SEMA6A: variants seen among roughly 807,000 people sequenced by gnomAD.
SEMA6A encodes the protein semaphorin-6A.
SEMA6A carries 25 observed loss-of-function variants against 96.8 expected under a neutral mutation model. That is an observed-to-expected ratio of 0.26 (90% CI 0.19 to 0.36). The LOEUF is 0.36. SEMA6A is among the 10% of genes least tolerant of loss of function. SEMA6A has a pLI of 1.00. For synonymous variants in SEMA6A, 612 were observed against 518.0 expected (o/e 1.18, Z -2.46); for missense variants, 1,363 against 1,323.1 (o/e 1.03, Z -0.47).
Position 116,521,660 on chromosome 5 carries a change from A to T in SEMA6A, c.-38-16678T>A, listed in dbSNP as rs372132599. 6.0e-4 allele frequency among the ~76,000 whole-genome samples: 92 copies of T among 152,270 alleles called. 1 individual carries two copies. The highest frequency in any genetic ancestry group is 2.0e-3 in the African/African-American group (83 of 41,566). ...GAATATTAGATCCTTGAGCCAATCC[A>T]TCTGGGGAAGGTATGAGAGAGAGTA... On this transcript the variant is annotated intron_variant, in intron 1 of 18. Transcript: ENST00000343348.
intron 1 of SEMA6A, among the ~76,000 whole-genome samples, chr5:116,536,024 GGCT>G: frequency 6.6e-6 from 1 of 152,178 alleles, no homozygotes; most frequent in Non-Finnish European, 1.5e-5. Context: ...ATGCCCACAT[GGCT>G]TTTAGTTCAG....
intron 1 of SEMA6A, among the ~76,000 whole-genome samples, 197 bp downstream of exon 1, chr5:116,573,988 C>T (rs183519359): frequency 7.2e-5 from 11 of 151,932 alleles, no homozygotes; most frequent in African/African-American, 2.7e-4. Flanking sequence ...CTCTGGGGCG[C>T]AGGGCAGAGA....
chr5:116,473,156 A>AT (rs1756255298), intron 16 of SEMA6A, 63 bp from the exon 17 acceptor site: 4 of 1,497,268 alleles, frequency 2.7e-6, no homozygotes, highest in Non-Finnish European at 3.7e-6. Context: ...GGCGACTTAC[A>AT]TAAGTGGGAA....
Position 116,526,107 on chromosome 5 carries a change from C to T in SEMA6A, c.-38-21125G>A, listed in dbSNP as rs76395164. On this transcript the variant is annotated intron_variant, in intron 1 of 18. Transcript: ENST00000343348. ...GGGTGAGGGCTTTGGAGGGATGGCT[C>T]TTATTGGATCTTCCTTTGCCTTTTC... 6.3e-3 allele frequency among the ~76,000 whole-genome samples: 955 copies of T among 152,044 alleles called. 7 individuals carry two copies. Among genetic ancestry groups the T allele is most frequent in the African/African-American group, 0.022 (901 of 41,362 alleles).
rs1409276470 is a variant in SEMA6A at position 116,458,282 on chromosome 5, C to G, written c.1894+9301G>C. On this transcript the variant is annotated intron_variant, in intron 18 of 18. Coordinates refer to ENST00000343348, the MANE Select transcript of SEMA6A (RefSeq NM_020796.5). The stretch of plus-strand genomic sequence containing the variant: ...ACCAATTAAAGAGCAAATTTTTAAC[C>G]ACTCCAGATGTTCTGTTAATAAGAT... 2.6e-5 allele frequency among the ~76,000 whole-genome samples: 4 copies of G among 152,132 alleles called. No individual in the cohort carries two copies. The East Asian group carries it at 7.7e-4, about 29-fold the overall frequency.
intron 3 of SEMA6A, among the ~76,000 whole-genome samples, chr5:116,500,933 G>C (rs7719764): frequency 0.22 from 33,357 of 151,864 alleles, 3,795 homozygotes; most frequent in Admixed American, 0.28. Flanking sequence ...TTTAACCCTG[G>C]TGCGGGGGAG....
intron 18 of SEMA6A, among the ~76,000 whole-genome samples, chr5:116,457,927 G>A (rs781108014): frequency 1.4e-4 from 22 of 152,156 alleles, no homozygotes; most frequent in Admixed American, 3.3e-4. Flanking sequence ...TGGCATGCGT[G>A]ATGTAGTTAG....
intron 18 of SEMA6A, chr5:116,449,413 A>T: frequency 2.9e-6 from 2 of 700,042 alleles, no homozygotes; most frequent in Non-Finnish European, 5.2e-6. Flanking sequence ...GTGGCACAGA[A>T]TTAGAATGAA....
chr5:116,483,361 T>G (rs1350777278), intron 10 of SEMA6A, among the ~76,000 whole-genome samples: 1 of 152,144 alleles, frequency 6.6e-6, no homozygotes, highest in Non-Finnish European at 1.5e-5. Flanking sequence ...CTAGAGTTGC[T>G]CCTTGATTTT....
chr5:116,546,360 T>C (rs1020046373), intron 1 of SEMA6A, among the ~76,000 whole-genome samples: 1 of 152,238 alleles, frequency 6.6e-6, no homozygotes, highest in African/African-American at 2.4e-5. Flanking sequence ...ATGCCTATAA[T>C]GAGTTAGCTC....
At chr5:116,570,344 T>TG (rs138889764) in intron 1 of SEMA6A, among the ~76,000 whole-genome samples, 5,649 of 151,096 alleles carry the variant, frequency 0.037, 155 homozygotes, top group African/African-American at 0.066. Flanking sequence ...CCCAAGAGAG[T>TG]GGGGGGGGTT....
Position 116,496,194 on chromosome 5 carries a change from T to G in SEMA6A, c.342+57A>C, listed in dbSNP as rs1757592230. On this transcript the variant is annotated intron_variant, in intron 5 of 18. Transcript: ENST00000343348. ...CTACATCACGGTCTATGGCTGGAGA[T>G]AACAGTCAAAAACTTAACCCAAAGT... 42 of 1,395,772 alleles carry G rather than the reference T, an allele frequency of 3.0e-5. 1 individual carries two copies. In the South Asian group the frequency reaches 4.9e-4, roughly 16 times the overall value. The allele number at this position is 1,395,772 out of a possible 1,614,324, so 86.5% of individuals were successfully genotyped here.
At chr5:116,499,808 TG>T (rs1757786012) in intron 3 of SEMA6A, among the ~76,000 whole-genome samples, 1 of 152,226 alleles carries the variant, frequency 6.6e-6, no homozygotes, top group Admixed American at 6.5e-5. Flanking sequence ...AAAACTGTCT[TG>T]GTTTTAATGA....
chr5:116,446,105 C>CT lies in SEMA6A; in HGVS notation c.*507dup, dbSNP rs71711476. 2.6e-3 allele frequency: 392 copies of CT among 149,540 alleles called. 1 individual carries two copies. The highest frequency in any genetic ancestry group is 8.6e-3 in the East Asian group (44 of 5,090). 9.3% of individuals were successfully genotyped at this position (149,540 alleles called of 1,614,324 possible). On this transcript the variant is annotated 3_prime_UTR_variant, in exon 19 of 19. Transcript: ENST00000343348. The stretch of plus-strand genomic sequence containing the variant: ...TCTGAGTTAGAATTATCAATGAATT[C>CT]TTTTTTTTTTGTCTTTTTAAATTTT...
chr5:116,447,063 A>T lies in SEMA6A; in HGVS notation c.2643T>A (p.Val881=). ...GACCCAGGGAGGCCTCCCGCTGTGG[A>T]ACTTTGGGGGGCAGGCTGTCCAGGT... ...VENLDSLPPK[V]PQREASLGPP... Residue 881 remains valine (V), a synonymous_variant, in exon 19 of 19, where the codon GTT becomes GTA. Coordinates refer to ENST00000343348, the MANE Select transcript of SEMA6A (RefSeq NM_020796.5). The T allele has an allele frequency of 6.2e-7, 1 of 1,613,536 alleles. No individual in the cohort carries two copies. Among genetic ancestry groups the T allele is most frequent in the Non-Finnish European group, 8.5e-7 (1 of 1,179,730 alleles).
rs1348786517 is a variant in SEMA6A at position 116,445,668 on chromosome 5, A to C, written c.*945T>G. ...CCAGGCAATGAACTGATAGATTTAA[A>C]TAAATATTCCCCTCCTAACTTTTTC... On this transcript the variant is annotated 3_prime_UTR_variant, in exon 19 of 19. Coordinates refer to ENST00000343348, the MANE Select transcript of SEMA6A (RefSeq NM_020796.5). 6.6e-6 allele frequency: 1 copy of C among 152,612 alleles called. No homozygotes were observed. Among genetic ancestry groups the C allele is most frequent in the African/African-American group, 2.4e-5 (1 of 41,472 alleles). The allele number at this position is 152,612 out of a possible 1,614,324, so 9.5% of individuals were successfully genotyped here.
intron 1 of SEMA6A, among the ~76,000 whole-genome samples, chr5:116,538,186 A>T (rs1759807052): frequency 7.3e-6 from 1 of 137,490 alleles, no homozygotes; most frequent in Admixed American, 7.4e-5. Flanking sequence ...AAACAAAGCA[A>T]AACAAAACAA....
chr5:116,454,785 T>A (rs975826402), intron 18 of SEMA6A, among the ~76,000 whole-genome samples: 1 of 59,290 alleles, frequency 1.7e-5, no homozygotes, highest in South Asian at 5.8e-4. Flanking sequence ...TTCCTTTTCC[T>A]TTAAGTGTGT....
chr5:116,452,978 G>A (rs1350781358), intron 18 of SEMA6A, among the ~76,000 whole-genome samples: 1 of 152,222 alleles, frequency 6.6e-6, no homozygotes, highest in Non-Finnish European at 1.5e-5. Flanking sequence ...GTGTGGCTAT[G>A]TCATGAGTTA....
Sources: allele counts gnomAD v4.1 joint callset (sites outside exome capture counted in the v4.1 genomes callset), GRCh38; gene constraint gnomAD v4.1.1; transcripts MANE v1.5; gene names NCBI Gene and HGNC (gene_info 2026-07-23, HGNC 2026-07-21).